The following SLC24A2 variants were observed in gnomAD, a reference collection of about 807,000 sequenced individuals.
SLC24A2 encodes the protein solute carrier family 24 member 2.
In SLC24A2, 36 loss-of-function variants were observed where a neutral mutation model predicts 62.0. The observed-to-expected ratio is 0.58, with a 90% CI of 0.44 to 0.77. The LOEUF is 0.77. Among genes scored for constraint, SLC24A2 ranks in the 30% least tolerant of loss-of-function variants. SLC24A2 has a pLI of 0.00. For missense variants in SLC24A2, 846 were observed against 817.9 expected (o/e 1.03, Z -0.42); for synonymous variants, 358 against 294.0 (o/e 1.22, Z -2.23).
At chr9:19,524,040 C>T (rs145700178) in intron 9 of SLC24A2, among the ~76,000 whole-genome samples, 284 of 144,012 alleles carry the variant, frequency 2.0e-3, no homozygotes, top group African/African-American at 7.0e-3. Context: ...GGCACATGGA[C>T]GGGACAGTAC....
At chr9:19,937,984 CAG>C in the SLC24A2 span, among the ~76,000 whole-genome samples, 1 of 151,982 alleles carries the variant, frequency 6.6e-6, no homozygotes, top group East Asian at 1.9e-4. Context: ...AAGAAGAAAA[CAG>C]AACAGTATAA....
chr9:19,947,808 A>AAAAAAAAGAAAG, the SLC24A2 span, among the ~76,000 whole-genome samples: 1 of 59,226 alleles, frequency 1.7e-5, no homozygotes, highest in Admixed American at 2.0e-4. Flanking sequence ...AAAAAAAAAA[A>AAAAAAAAGAAAG]AAAGAAAGAA....
the SLC24A2 span, among the ~76,000 whole-genome samples, chr9:20,260,836 C>T: frequency 7.5e-6 from 1 of 132,720 alleles, no homozygotes; most frequent in South Asian, 2.6e-4. Context: ...CAAAGTCCAA[C>T]GTATCATTCT....
chr9:20,113,303 T>G, the SLC24A2 span, among the ~76,000 whole-genome samples: 6 of 152,134 alleles, frequency 3.9e-5, no homozygotes, highest in African/African-American at 1.4e-4. Context: ...TTACCAGCTG[T>G]GAAAAGTGAC....
chr9:19,637,454 G>C (rs1024584783), intron 2 of SLC24A2, among the ~76,000 whole-genome samples: 1 of 152,194 alleles, frequency 6.6e-6, no homozygotes, highest in Non-Finnish European at 1.5e-5. Flanking sequence ...TGGTAGTCTT[G>C]AGGGTGGTTT....
the SLC24A2 span, among the ~76,000 whole-genome samples, chr9:20,179,358 C>A: frequency 0.11 from 17,082 of 152,106 alleles, 1,008 homozygotes; most frequent in Middle Eastern, 0.16. Context: ...TCCCACATGC[C>A]CCAATCGGAG....
At chr9:19,848,959 C>A in the SLC24A2 span, among the ~76,000 whole-genome samples, 1 of 152,118 alleles carries the variant, frequency 6.6e-6, no homozygotes, top group South Asian at 2.1e-4. Flanking sequence ...ACTGGGGATA[C>A]AAAGATAAAT....
chr9:19,827,131 G>T, the SLC24A2 span, among the ~76,000 whole-genome samples: 1 of 152,112 alleles, frequency 6.6e-6, no homozygotes, highest in Admixed American at 6.5e-5. Flanking sequence ...AAAACCACCA[G>T]CATGAGGGAC....
At chr9:19,869,735 T>C in the SLC24A2 span, among the ~76,000 whole-genome samples, 1 of 152,222 alleles carries the variant, frequency 6.6e-6, no homozygotes, top group African/African-American at 2.4e-5. Context: ...CTATATGTCA[T>C]AAATCCAACA....
chr9:19,973,082 A>C, the SLC24A2 span, among the ~76,000 whole-genome samples: 1 of 152,204 alleles, frequency 6.6e-6, no homozygotes, highest in Non-Finnish European at 1.5e-5. Context: ...GTGCGACTGT[A>C]GTCCCAGCTA....
At chr9:20,011,604 T>C in the SLC24A2 span, among the ~76,000 whole-genome samples, 1 of 152,122 alleles carries the variant, frequency 6.6e-6, no homozygotes, top group Admixed American at 6.6e-5. Flanking sequence ...TTACAGGAAT[T>C]CCTGAAGGAG....
chr9:19,516,024 T>C lies in SLC24A2; in HGVS notation c.*129A>G, dbSNP rs1212640866. 8 of 1,166,644 alleles carry C rather than the reference T, an allele frequency of 6.9e-6. No individual in the cohort carries two copies. The Admixed American group carries it at 1.0e-4, about 15-fold the overall frequency. The allele number at this position is 1,166,644 out of a possible 1,614,324, so 72.3% of individuals were successfully genotyped here. On this transcript the variant is annotated 3_prime_UTR_variant, in exon 11 of 11. Coordinates refer to ENST00000341998, the MANE Select transcript of SLC24A2 (RefSeq NM_020344.4). ...CAGTGTGAATCCATCTCTCCTCAAATTCACCAAGGAGGGACACTTGGCACC... is the reference window on the plus strand; with the variant it reads ...CAGTGTGAATCCATCTCTCCTCAAACTCACCAAGGAGGGACACTTGGCACC...
chr9:19,613,012 C>T (rs752094422), intron 4 of SLC24A2, among the ~76,000 whole-genome samples: 4 of 152,158 alleles, frequency 2.6e-5, no homozygotes, highest in Non-Finnish European at 5.9e-5. Context: ...CCAAGCTGCT[C>T]TGGGCCTTGG....
the SLC24A2 span, among the ~76,000 whole-genome samples, chr9:20,036,725 C>G: frequency 2.0e-5 from 3 of 152,074 alleles, no homozygotes; most frequent in East Asian, 5.8e-4. Context: ...CTTTCGGTAT[C>G]CCTGGGGGAT....
At chr9:19,669,787 T>C (rs1393619964) in intron 2 of SLC24A2, among the ~76,000 whole-genome samples, 1 of 152,214 alleles carries the variant, frequency 6.6e-6, no homozygotes, top group Non-Finnish European at 1.5e-5. Context: ...TAATACAGGG[T>C]GCTCTGCCCA....
chr9:19,989,421 T>G, the SLC24A2 span, among the ~76,000 whole-genome samples: 1 of 152,126 alleles, frequency 6.6e-6, no homozygotes, highest in South Asian at 2.1e-4. Flanking sequence ...AAAACATGAG[T>G]GCACTACTAT....
the SLC24A2 span, among the ~76,000 whole-genome samples, chr9:20,204,085 G>A: frequency 6.6e-6 from 1 of 152,142 alleles, no homozygotes. Context: ...GACTAAATAT[G>A]TTAAATTCAG....
intron 7 of SLC24A2, among the ~76,000 whole-genome samples, chr9:19,559,755 C>T (rs191310007): frequency 8.7e-4 from 132 of 152,292 alleles, no homozygotes; most frequent in African/African-American, 3.2e-3. Context: ...AAACTCCCAC[C>T]CAAAACAGTG....
intron 2 of SLC24A2, among the ~76,000 whole-genome samples, chr9:19,754,985 T>C (rs1326821560): frequency 6.6e-6 from 1 of 152,174 alleles, no homozygotes; most frequent in Non-Finnish European, 1.5e-5. Context: ...TGGTTTCTAT[T>C]TTCTGCAACC....
Sources: allele counts gnomAD v4.1 joint callset (sites outside exome capture counted in the v4.1 genomes callset), GRCh38; gene constraint gnomAD v4.1.1; transcripts MANE v1.5; gene names NCBI Gene and HGNC (gene_info 2026-07-23, HGNC 2026-07-21).